Variants in COG1 observed in about 807,000 individuals in gnomAD.
The protein encoded by COG1 is component of oligomeric golgi complex 1.
A neutral mutation model predicts 102.2 loss-of-function variants in COG1; 61 were observed. The observed-to-expected ratio is 0.60, with a 90% confidence interval of 0.49 to 0.74. The LOEUF (loss-of-function observed/expected upper bound fraction) is 0.74. Ranked by LOEUF, COG1 falls within the 30% of genes least tolerant of loss-of-function variation. COG1 has a pLI of 0.00. For missense variants in COG1, 1,164 were observed against 1,232.1 expected, an observed-to-expected ratio of 0.94 and a Z score of 0.83; for synonymous variants, 454 against 493.6, an observed-to-expected ratio of 0.92 and a Z score of 1.06.
chr17:73,193,635 TC>T (rs1204477900), intron 1 of COG1, among the ~76,000 whole-genome samples: 2 of 152,232 alleles, frequency 1.3e-5, no homozygotes, highest in East Asian at 1.9e-4. Flanking sequence ...TCCCCCGACT[TC>T]CGGGCCTTGA....
intron 9 of COG1, among the ~76,000 whole-genome samples, chr17:73,204,461 C>T (rs2061359854): frequency 6.6e-6 from 1 of 152,040 alleles, no homozygotes. Flanking sequence ...GAGGTGCTTA[C>T]TTACGGGGAG....
chr17:73,205,424 C>T, intron 9 of COG1, 129 bp from the exon 10 acceptor site: 2 of 937,690 alleles, frequency 2.1e-6, no homozygotes, highest in Non-Finnish European at 3.5e-6. Context: ...TTAAACTGGC[C>T]ATATGAGCAT....
Position 73,205,575 on chromosome 17 carries a change from C to G in COG1, c.2405C>G (p.Thr802Ser), listed in dbSNP as rs2061366274. The G allele has an allele frequency of 6.2e-7, 1 of 1,614,054 alleles. No individual in the cohort carries two copies. The highest frequency in any genetic ancestry group is 1.3e-5 in the African/African-American group (1 of 74,908). The change falls in exon 10 of 14, where the codon ACC (threonine) becomes AGC (serine). Residue 802 changes from threonine to serine, a missense_variant. Physicochemically the swap from Thr to Ser is moderately conservative, Grantham distance 58. Coordinates refer to ENST00000299886, the MANE Select transcript of COG1 (RefSeq NM_018714.3). ...QIKKEGAFPV[T>S]QNRALQLLYD... ...CAGAAAGAAGGTGCATTTCCAGTCA[C>G]CCAGAACCGGGCGCTGCAGCTGCTT...
rs934117241 is a variant in COG1 at position 73,205,495 on chromosome 17, T to C, written c.2383-58T>C. ...TCAACCAAAACTTGAAGCTGTTTAT[T>C]ACGCTCACATACCAAGTCCTCTCTC... On this transcript the variant is annotated intron_variant, in intron 9 of 13. Transcript: ENST00000299886. 8 of 1,597,984 alleles carry C rather than the reference T, an allele frequency of 5.0e-6. No individual in the cohort carries two copies. The African/African-American group carries it at 8.0e-5, about 16-fold the overall frequency.
intron 8 of COG1, 42 bp downstream of exon 8, chr17:73,203,188 C>A (rs372078302): frequency 6.2e-7 from 1 of 1,608,998 alleles, no homozygotes; most frequent in Non-Finnish European, 8.5e-7. Context: ...TAAACTGCTC[C>A]GTGGAAAAGA....
At chr17:73,195,702 C>T (rs1403823234) in intron 1 of COG1, among the ~76,000 whole-genome samples, 1 of 151,872 alleles carries the variant, frequency 6.6e-6, no homozygotes, top group Non-Finnish European at 1.5e-5. Flanking sequence ...CACTTGAGGT[C>T]AGGAGTTTGA....
chr17:73,208,317 G>GC lies in COG1; in HGVS notation c.2809_2810insC (p.Val937AlafsTer10). The GC allele has an allele frequency of 6.2e-7, 1 of 1,613,466 alleles. No homozygotes were observed. Among genetic ancestry groups the GC allele is most frequent in the African/African-American group, 1.3e-5 (1 of 75,026 alleles). ...TTTTCTCTACATCCAATGGCAGGTT[G>GC]TCCCCCCGGCACGCTCCACAGCTGG... On this transcript the variant is annotated frameshift_variant, in exon 14 of 14. Transcript: ENST00000299886. LOFTEE classifies it high-confidence loss of function.
At chr17:73,206,376 G>A in intron 11 of COG1, 114 bp downstream of exon 11, 1 of 850,710 alleles carries the variant, frequency 1.2e-6, no homozygotes, top group South Asian at 1.4e-5. Context: ...AGGGGAATAA[G>A]ACACAAATAG....
chr17:73,203,665 T>C lies in COG1; in HGVS notation c.2254T>C (p.Leu752=). The C allele has an allele frequency of 6.2e-7, 1 of 1,614,226 alleles. No homozygotes were observed. Among genetic ancestry groups the C allele is most frequent in the Non-Finnish European group, 8.5e-7 (1 of 1,180,030 alleles). The change falls in exon 9 of 14, where the codon TTA becomes CTA. Residue 752 remains leucine (L), a synonymous_variant. Transcript: ENST00000299886. ...GTATGTACAGTCCTTCCTGTTTAGTTTATGCCAGGAAATTAATCGGGTTGG... is the reference window on the plus strand; with the variant it reads ...GTATGTACAGTCCTTCCTGTTTAGTCTATGCCAGGAAATTAATCGGGTTGG... ...SWYVQSFLFS[L]CQEINRVGGH...
intron 1 of COG1, among the ~76,000 whole-genome samples, chr17:73,195,618 A>G (rs1168300655): frequency 6.6e-6 from 1 of 151,720 alleles, no homozygotes; most frequent in Non-Finnish European, 1.5e-5. Context: ...TGTCCCAAAA[A>G]AAAAAAAAAA....
At chr17:73,206,309 C>T (rs2061371843) in intron 11 of COG1, 47 bp downstream of exon 11, 1 of 1,432,304 alleles carries the variant, frequency 7.0e-7, no homozygotes, top group Non-Finnish European at 9.9e-7. Flanking sequence ...GCGATACAGG[C>T]TCAAATAACA....
chr17:73,197,225 G>T lies in COG1; in HGVS notation c.743-1G>T. On this transcript the variant is annotated splice_acceptor_variant, in intron 3 of 13. Coordinates refer to ENST00000299886, the MANE Select transcript of COG1 (RefSeq NM_018714.3). LOFTEE classifies it high-confidence loss of function. ...TCAAAGAGGATGGTTTCTTCTTTTA[G>T]GTGCTGGTATCAAGGCTCAGATTTG... 3 of 1,614,200 alleles carry T rather than the reference G, an allele frequency of 1.9e-6. No individual in the cohort carries two copies. The highest frequency in any genetic ancestry group is 2.5e-6 in the Non-Finnish European group (3 of 1,180,042).
chr17:73,196,108 C>A (rs1203461214), intron 1 of COG1, among the ~76,000 whole-genome samples: 2 of 152,162 alleles, frequency 1.3e-5, no homozygotes, highest in East Asian at 1.9e-4. Context: ...CTTGCTGTAT[C>A]CTCACGTGGG....
rs2061347967 is a variant in COG1, at chr17:73,201,740, G to T, written c.1913G>T (p.Ser638Ile). Reference sequence around the variant, plus strand: ...CAGTGCATCCTGGGAAAATCAGAGAGCTCAGAGAAACCAGCAAGGGAGTTT... The same window carrying T: ...CAGTGCATCCTGGGAAAATCAGAGATCTCAGAGAAACCAGCAAGGGAGTTT... Reference protein sequence around the residue: ...LKQCILGKSESSEKPAREFRA... With the variant: ...LKQCILGKSEISEKPAREFRA... Residue 638 changes from serine (S) to isoleucine (I), a missense_variant, in exon 7 of 14, where the codon AGC becomes ATC. Coordinates refer to ENST00000299886, the MANE Select transcript of COG1 (RefSeq NM_018714.3). 1 of 1,614,202 alleles carries T rather than the reference G, an allele frequency of 6.2e-7. No individual in the cohort carries two copies.
intron 11 of COG1, among the ~76,000 whole-genome samples, 178 bp downstream of exon 11, chr17:73,206,440 G>A (rs1351510273): frequency 6.6e-6 from 1 of 152,110 alleles, no homozygotes; most frequent in Non-Finnish European, 1.5e-5. Context: ...CACACACTGA[G>A]GCAACCAAGA....
chr17:73,199,516 G>A (rs1173987618), intron 4 of COG1, among the ~76,000 whole-genome samples: 1 of 152,130 alleles, frequency 6.6e-6, no homozygotes, highest in East Asian at 1.9e-4. Flanking sequence ...CAGAAGTCCA[G>A]TTTGACCTTC....
At chr17:73,206,848 AC>A in intron 12 of COG1, 31 bp downstream of exon 12, 1 of 1,512,432 alleles carries the variant, frequency 6.6e-7, no homozygotes, top group Non-Finnish European at 9.2e-7. Context: ...TCTGCGGGGC[AC>A]TTCGGGAGGC....
intron 4 of COG1, among the ~76,000 whole-genome samples, chr17:73,198,811 C>T (rs2061335189): frequency 6.6e-6 from 1 of 152,128 alleles, no homozygotes; most frequent in Non-Finnish European, 1.5e-5. Context: ...TCCAGAAATC[C>T]AAGGTCAAAT....
chr17:73,200,460 C>G (rs1312558495), intron 5 of COG1, 106 bp from the exon 6 acceptor site: 3 of 1,016,116 alleles, frequency 3.0e-6, no homozygotes, highest in Non-Finnish European at 3.1e-6. Flanking sequence ...TATTTATCTA[C>G]TGGAACTCAG....
Sources: gnomAD v4.1 joint callset for allele counts (sites outside exome capture counted in the v4.1 genomes callset) on GRCh38, gnomAD v4.1.1 for gene constraint, MANE v1.5 for transcripts, NCBI Gene and HGNC (gene_info 2026-07-23, HGNC 2026-07-21) for gene names.